Variants in CFAP46 observed in about 807,000 individuals in gnomAD.
CFAP46 encodes the protein cilia and flagella associated protein 46, also known as cilia- and flagella-associated protein 46.
In CFAP46, 245 loss-of-function variants were observed where a neutral mutation model predicts 325.7. The observed-to-expected ratio is 0.75, with a 90% CI of 0.68 to 0.84. CFAP46 has a LOEUF of 0.84. Ranked by LOEUF, CFAP46 falls within the 40% of genes least tolerant of loss-of-function variation. The pLI is 0.00. For synonymous variants in CFAP46, 1,523 were observed against 1,495.9 expected (o/e 1.02, Z -0.42); for missense variants, 3,346 against 3,543.0 (o/e 0.94, Z 1.41).
chr10:132,872,988 T>C (rs886252645), intron 31 of CFAP46, among the ~76,000 whole-genome samples, 164 bp from the exon 32 acceptor site: 1 of 152,274 alleles, frequency 6.6e-6, no homozygotes, highest in Non-Finnish European at 1.5e-5. Flanking sequence ...AGTGCGTTTC[T>C]GTGGGATGGA....
chr10:132,920,049 C>T lies in CFAP46; in HGVS notation c.1730+10G>A. ...GCTGTGCGTGGCGCTCTGGCCTTTT[C>T]CTCACTCACCTCTCCTTGTCGTTTT... On this transcript the variant is annotated intron_variant, in intron 14 of 57. Transcript: ENST00000368586. 1 of 1,533,784 alleles carries T rather than the reference C, an allele frequency of 6.5e-7. No homozygotes were observed. Among genetic ancestry groups the T allele is most frequent in the South Asian group, 1.2e-5 (1 of 81,604 alleles).
chr10:132,901,394 C>G (rs1182682070), intron 22 of CFAP46, among the ~76,000 whole-genome samples: 5 of 152,070 alleles, frequency 3.3e-5, no homozygotes, highest in African/African-American at 4.8e-5. Context: ...TTTAGTATCC[C>G]AATTCATATC....
At chr10:132,838,699 G>C (rs759042836) in intron 44 of CFAP46, among the ~76,000 whole-genome samples, 14 of 152,384 alleles carry the variant, frequency 9.2e-5, no homozygotes, top group South Asian at 6.2e-4. Context: ...GAGCGATGCT[G>C]CTCTCTGGGG....
intron 50 of CFAP46, among the ~76,000 whole-genome samples, chr10:132,821,595 T>C (rs1176808919): frequency 4.4e-5 from 6 of 137,296 alleles, no homozygotes; most frequent in Admixed American, 3.5e-4. Context: ...GTGTGTGTGC[T>C]GTGTGCTGTG....
chr10:132,887,697 T>G (rs866292243), intron 25 of CFAP46, among the ~76,000 whole-genome samples: 675 of 92,624 alleles, frequency 7.3e-3, no homozygotes, highest in African/African-American at 0.037. Context: ...CTCTCTCTCC[T>G]CTCCTCTCTC....
At chr10:132,942,396 G>C (rs1465615294) in intron 1 of CFAP46, 40 bp downstream of exon 1, 1 of 1,365,638 alleles carries the variant, frequency 7.3e-7, no homozygotes, top group Admixed American at 3.6e-5. Context: ...CGGGTCCCGG[G>C]GCCTCCCCGG....
At chr10:132,879,324 G>T in intron 29 of CFAP46, 102 bp downstream of exon 29, 1 of 1,174,866 alleles carries the variant, frequency 8.5e-7, no homozygotes, top group South Asian at 1.7e-5. Context: ...GGAAATGCTG[G>T]GAAAGACTCT....
At chr10:132,911,583 C>T (rs895728203) in intron 19 of CFAP46, among the ~76,000 whole-genome samples, 4 of 152,242 alleles carry the variant, frequency 2.6e-5, no homozygotes, top group South Asian at 4.1e-4. Context: ...GGCTTTCTCT[C>T]GGGTTCTTTG....
intron 44 of CFAP46, among the ~76,000 whole-genome samples, chr10:132,842,681 C>A (rs1052835619): frequency 1.3e-5 from 2 of 152,164 alleles, no homozygotes; most frequent in African/African-American, 4.8e-5. Flanking sequence ...GAGTAATTTA[C>A]AAAGAAAAGG....
chr10:132,913,813 AGC>A (rs1491201427), intron 17 of CFAP46, among the ~76,000 whole-genome samples: 10 of 103,786 alleles, frequency 9.6e-5, no homozygotes, highest in African/African-American at 4.5e-4. Flanking sequence ...CATGGGGCAG[AGC>A]GTCTCTGCCC....
At chr10:132,898,720 C>A (rs1029698008) in intron 24 of CFAP46, 3 of 614,722 alleles carry the variant, frequency 4.9e-6, no homozygotes, top group Non-Finnish European at 8.8e-6. Flanking sequence ...GGGCTGAGAG[C>A]CCCTCGGTGC....
chr10:132,823,993 TTGTTTGTGCTG>T (rs1847965382), intron 50 of CFAP46, among the ~76,000 whole-genome samples: 1 of 87,416 alleles, frequency 1.1e-5, no homozygotes, highest in African/African-American at 5.5e-5. Context: ...TGTGTGCTGC[TTGTTTGTGCTG>T]TGTGTGTGCT....
chr10:132,873,420 C>A (rs113851956), intron 31 of CFAP46, among the ~76,000 whole-genome samples: 2 of 148,224 alleles, frequency 1.3e-5, no homozygotes, highest in African/African-American at 4.9e-5. Context: ...AGGCATCCAG[C>A]GACACGAGCC....
rs112401147 is a variant in CFAP46 at position 132,911,310 on chromosome 10, C to T, written c.2500-1242G>A. On this transcript the variant is annotated intron_variant, in intron 19 of 57. Transcript: ENST00000368586. ...GGGAGCACTAGGGCCCTCTCTGGCTCTGGCCTGGCGCAGCTGACTGTGAGC... is the reference window on the plus strand; with the variant it reads ...GGGAGCACTAGGGCCCTCTCTGGCTTTGGCCTGGCGCAGCTGACTGTGAGC... Among the ~76,000 whole-genome samples the T allele has an allele frequency of 1.1e-4, 16 of 152,374 alleles. 1 individual carries two copies. Among genetic ancestry groups the T allele is most frequent in the African/African-American group, 3.1e-4 (13 of 41,594 alleles).
Position 132,926,561 on chromosome 10 carries a change from G to T in CFAP46, c.1065+7C>A. 2.0e-6 allele frequency: 3 copies of T among 1,531,540 alleles called. No individual in the cohort carries two copies. Among genetic ancestry groups the T allele is most frequent in the Admixed American group, 2.0e-5 (1 of 50,994 alleles). The allele number at this position is 1,531,540 out of a possible 1,614,324, so 94.9% of individuals were successfully genotyped here. ...GCCAGGTGTATGACTCCTGCGTAAG[G>T]ACTGACCTCAACAGCCGCTCGGTTG... On this transcript the variant is annotated splice_region_variant and intron_variant, in intron 10 of 57. Coordinates refer to ENST00000368586, the MANE Select transcript of CFAP46 (RefSeq NM_001200049.3).
At chr10:132,881,730 G>A (rs867598787) in intron 27 of CFAP46, among the ~76,000 whole-genome samples, 12 of 152,178 alleles carry the variant, frequency 7.9e-5, no homozygotes, top group African/African-American at 2.4e-4. Flanking sequence ...CTGGGGCCAC[G>A]GCCACACTCT....
At chr10:132,835,469 C>T (rs1235373144) in intron 46 of CFAP46, 35 bp from the exon 47 acceptor site, 2 of 1,612,102 alleles carry the variant, frequency 1.2e-6, no homozygotes, top group South Asian at 1.1e-5. Context: ...TGTCGCTGCC[C>T]AGGGCTGAGG....
At chr10:132,942,306 C>A in intron 1 of CFAP46, 130 bp downstream of exon 1, 1 of 821,488 alleles carries the variant, frequency 1.2e-6, no homozygotes. Flanking sequence ...GTGGGGGCTC[C>A]GGCTGTGGCC....
chr10:132,873,222 G>C (rs1051981291), intron 31 of CFAP46, among the ~76,000 whole-genome samples: 5 of 152,208 alleles, frequency 3.3e-5, no homozygotes, highest in Non-Finnish European at 5.9e-5. Flanking sequence ...AAGAGCTAAT[G>C]CTTCTTATTA....
Sources: allele counts gnomAD v4.1 joint callset (sites outside exome capture counted in the v4.1 genomes callset), GRCh38; gene constraint gnomAD v4.1.1; transcripts MANE v1.5; gene names NCBI Gene and HGNC (gene_info 2026-07-23, HGNC 2026-07-21).